The following PEAK3 variants were observed in gnomAD, a reference collection of about 807,000 sequenced individuals.
The protein encoded by PEAK3 is protein PEAK3.
A neutral mutation model predicts 13.3 loss-of-function variants in PEAK3; 15 were observed. That is an observed-to-expected ratio of 1.13 (90% confidence interval 0.75 to 1.73). The LOEUF (loss-of-function observed/expected upper bound fraction) is 1.73. PEAK3 is among the 40% of genes most tolerant of loss of function. PEAK3 has a pLI of 0.00. For synonymous variants in PEAK3, 347 were observed against 341.9 expected (o/e 1.01, Z -0.17); for missense variants, 739 against 690.2 (o/e 1.07, Z -0.79).
intron 2 of PEAK3, 69 bp downstream of exon 2, chr19:2,280,781 G>T: frequency 1.6e-6 from 2 of 1,268,878 alleles, no homozygotes; most frequent in Non-Finnish European, 1.1e-6. Context: ...GCACCCACCT[G>T]CCGCTCCCTG....
Position 2,276,058 on chromosome 19 carries a change from G to T in PEAK3, c.1044C>A (p.His348Gln). ...GGAGGAGGCTGCCCAGCTGCGGCGC[G>T]TGGGGGCCCGGGGATCCCGGGGGTC... ...PPGPPGSPGP[H>Q]APQLGSLLRA... is the part of the protein sequence containing the mutation. The change falls in exon 4 of 4, where the codon CAC becomes CAA. Residue 348 changes from histidine to glutamine, a missense_variant. Transcript: ENST00000342063. 1 of 1,450,870 alleles carries T rather than the reference G, an allele frequency of 6.9e-7. No homozygotes were observed. The highest frequency in any genetic ancestry group is 2.6e-5 in the Admixed American group (1 of 38,720). 89.9% of individuals were successfully genotyped at this position (1,450,870 alleles called of 1,614,324 possible). A position where few individuals can be genotyped will look rare whatever the true frequency, so the allele number is the denominator to read the frequency against.
Position 2,280,955 on chromosome 19 carries a change from GGCGTGTGTGGGGTGACC to G in PEAK3, c.-4-37_-4-21del. On this transcript the variant is annotated intron_variant, in intron 1 of 3. Transcript: ENST00000342063. ...ATGTTGCTGGGGAAAGGTCAAACGG[GGCGTGTGTGGGGTGACC>G]GTGTGCACGCACAGGGCGACATGGG... is the stretch of plus-strand genomic sequence containing the variant. 7.4e-6 allele frequency: 11 copies of G among 1,492,348 alleles called. No individual in the cohort carries two copies. The highest frequency in any genetic ancestry group is 9.1e-6 in the Non-Finnish European group (10 of 1,100,118). 92.4% of individuals were successfully genotyped at this position (1,492,348 alleles called of 1,614,324 possible).
In PEAK3 at chr19:2,275,944, G is replaced by A; in HGVS notation, c.1158C>T (p.Pro386=). The A allele has an allele frequency of 7.2e-7, 1 of 1,390,270 alleles. No individual in the cohort carries two copies. The highest frequency in any genetic ancestry group is 9.3e-7 in the Non-Finnish European group (1 of 1,080,054). 86.1% of individuals were successfully genotyped at this position (1,390,270 alleles called of 1,614,324 possible). A position where few individuals can be genotyped will look rare whatever the true frequency, so the allele number is the denominator to read the frequency against. The change falls in exon 4 of 4, where the codon CCC becomes CCT. Residue 386 remains proline, a synonymous_variant. Transcript: ENST00000342063. ...GCGCGCCCCGCGTCCGGGACGCCGA[G>A]GGCCGCAAGCGGGTCAGCTGTGCTG... The part of the protein sequence containing the change: ...LLAAQLTRLR[P]SASRTRGALQ...
Position 2,275,806 on chromosome 19 carries a change from GACCAGCAGCCCGCGGCGC to G in PEAK3, c.1278_1295del (p.Arg427_Val432del), listed in dbSNP as rs2025379587. On this transcript the variant is annotated inframe_deletion, in exon 4 of 4. Transcript: ENST00000342063. ...CTGCGGCCCGCTCTGCTAGGCGCAG[GACCAGCAGCCCGCGGCGC>G]ACCCGCAGCCAGGGCCCGAGCGCTC... 1.3e-6 allele frequency: 2 copies of G among 1,546,968 alleles called. No homozygotes were observed. Among genetic ancestry groups the G allele is most frequent in the African/African-American group, 2.8e-5 (2 of 71,478 alleles).
chr19:2,275,967 C>T lies in PEAK3; in HGVS notation c.1135G>A (p.Ala379Thr). Residue 379 changes from alanine to threonine, a missense_variant, in exon 4 of 4, where the codon GCA (alanine) becomes ACA (threonine). Physicochemically the swap from Ala to Thr is moderately conservative, Grantham distance 58. Coordinates refer to ENST00000342063, the MANE Select transcript of PEAK3 (RefSeq NM_198532.3). The stretch of plus-strand genomic sequence containing the variant: ...GAGGGCCGCAAGCGGGTCAGCTGTG[C>T]TGCCAGGAGCTCCAGGCCCGCGGCC... ...PLAAGLELLA[A>T]QLTRLRPSAS... is the part of the protein sequence containing the mutation. The T allele has an allele frequency of 1.6e-5, 22 of 1,415,074 alleles. No homozygotes were observed. Among genetic ancestry groups the T allele is most frequent in the Non-Finnish European group, 2.0e-5 (22 of 1,091,570 alleles). 87.7% of individuals were successfully genotyped at this position (1,415,074 alleles called of 1,614,324 possible).
Position 2,278,798 on chromosome 19 carries a change from G to A in PEAK3, c.398C>T (p.Ala133Val). The part of the protein sequence containing the change: ...LSLRDLHSPE[A>V]VHTALAARQL... ...CCGCGCAGCCAGTGCAGTGTGCACA[G>A]CCTCCGGGCTGTGCAGATCGCGGAG... The change falls in exon 3 of 4, where the codon GCT becomes GTT. Residue 133 changes from alanine (A) to valine (V), a missense_variant. Transcript: ENST00000342063. 2 of 1,588,116 alleles carry A rather than the reference G, an allele frequency of 1.3e-6. No individual in the cohort carries two copies. Among genetic ancestry groups the A allele is most frequent in the Non-Finnish European group, 1.7e-6 (2 of 1,167,458 alleles).
At position 2,277,867 on chromosome 19, in the gene PEAK3, C is replaced by CT. The variant is rs79647727; in HGVS notation, c.612+716dup. Reference sequence around the variant, plus strand: ...GGCGTCAGCCACTGTGCTGCCCAGCCTTTTTTTTTTTTTTTAGACGGAGTC... The same window carrying CT: ...GGCGTCAGCCACTGTGCTGCCCAGCCTTTTTTTTTTTTTTTTAGACGGAGTC... On this transcript the variant is annotated intron_variant, in intron 3 of 3. Coordinates refer to ENST00000342063, the MANE Select transcript of PEAK3 (RefSeq NM_198532.3). 4.6e-3 allele frequency among the ~76,000 whole-genome samples: 564 copies of CT among 121,408 alleles called. 2 individuals carry two copies. Among genetic ancestry groups the CT allele is most frequent in the Middle Eastern group, 0.017 (2 of 120 alleles). The allele number at this position is 121,408 out of a possible 152,430, so 79.6% of individuals were successfully genotyped here. A position where few individuals can be genotyped will look rare whatever the true frequency, so the allele number is the denominator to read the frequency against.
chr19:2,276,627 CT>C, intron 3 of PEAK3, 138 bp from the exon 4 acceptor site: 1 of 673,344 alleles, frequency 1.5e-6, no homozygotes, highest in Non-Finnish European at 2.4e-6. Context: ...GCCTGCATCC[CT>C]CCAGCAGCAG....
chr19:2,278,815 A>T lies in PEAK3; in HGVS notation c.381T>A (p.Asp127Glu), dbSNP rs550137964. ...ADAPLGLSLR[D>E]LHSPEAVHTA... Reference sequence around the variant, plus strand: ...TGTGCACAGCCTCCGGGCTGTGCAGATCGCGGAGGGAGAGGCCCAGTGGGG... The same window carrying T: ...TGTGCACAGCCTCCGGGCTGTGCAGTTCGCGGAGGGAGAGGCCCAGTGGGG... Residue 127 changes from aspartate to glutamate, a missense_variant, in exon 3 of 4, where the codon GAT becomes GAA. Physicochemically the swap from Asp to Glu is conservative, Grantham distance 45 (BLOSUM62 2). Coordinates refer to ENST00000342063, the MANE Select transcript of PEAK3 (RefSeq NM_198532.3). 1 of 1,594,336 alleles carries T rather than the reference A, an allele frequency of 6.3e-7. No homozygotes were observed. The highest frequency in any genetic ancestry group is 2.3e-5 in the East Asian group (1 of 43,862).
Position 2,274,942 on chromosome 19 carries a change from A to AAAG in PEAK3, c.*737_*738insCTT, listed in dbSNP as rs779303665. Reference sequence around the variant, plus strand: ...AGCCGAGATCGTCTCAAAAAAAAAAAAAAAAAAAAAAGAAAAAGAAAGTGG... The same window carrying AAAG: ...AGCCGAGATCGTCTCAAAAAAAAAAAAAGAAAAAAAAAAAGAAAAAGAAAGTGG... On this transcript the variant is annotated 3_prime_UTR_variant, in exon 4 of 4. Transcript: ENST00000342063. The AAAG allele has an allele frequency of 2.1e-5, 3 of 141,748 alleles. No individual in the cohort carries two copies. Among genetic ancestry groups the AAAG allele is most frequent in the Non-Finnish European group, 4.6e-5 (3 of 65,070 alleles). The allele number at this position is 141,748 out of a possible 1,614,324, so 8.8% of individuals were successfully genotyped here. A position where few individuals can be genotyped will look rare whatever the true frequency, so the allele number is the denominator to read the frequency against.
intron 3 of PEAK3, 55 bp from the exon 4 acceptor site, chr19:2,276,544 G>A (rs1383084820): frequency 1.1e-5 from 15 of 1,399,792 alleles, no homozygotes; most frequent in South Asian, 3.0e-5. Flanking sequence ...CACAAGCACC[G>A]CCTGCCCCAG....
chr19:2,279,990 G>T (rs893724858), intron 2 of PEAK3, among the ~76,000 whole-genome samples: 2 of 150,782 alleles, frequency 1.3e-5, no homozygotes, highest in Non-Finnish European at 2.9e-5. Context: ...CTGACCTCAG[G>T]TGATCTGCCT....
chr19:2,279,898 C>G (rs544017618), intron 2 of PEAK3, among the ~76,000 whole-genome samples: 2 of 150,528 alleles, frequency 1.3e-5, no homozygotes. Context: ...TACAGGTGCC[C>G]GCCCGCCACT....
At chr19:2,276,548 G>T in intron 3 of PEAK3, 59 bp from the exon 4 acceptor site, 2 of 1,384,664 alleles carry the variant, frequency 1.4e-6, no homozygotes, top group Non-Finnish European at 1.9e-6. Context: ...AGCACCGCCT[G>T]CCCCAGTGCT....
chr19:2,276,356 C>T lies in PEAK3; in HGVS notation c.746G>A (p.Gly249Asp), dbSNP rs2025389682. 6.3e-7 allele frequency: 1 copy of T among 1,599,874 alleles called. No homozygotes were observed. Among genetic ancestry groups the T allele is most frequent in the Non-Finnish European group, 8.5e-7 (1 of 1,178,932 alleles). ...EGTLPGAPWR[G>D]AVALAAEVPE... ...AACCTCGGCTGCCAGCGCCACTGCG[C>T]CTCTCCAGGGCGCCCCGGGCAGTGT... Residue 249 changes from glycine to aspartate, a missense_variant, in exon 4 of 4, where the codon GGC becomes GAC. By Grantham distance (94) the Gly-to-Asp change is moderately conservative. Coordinates refer to ENST00000342063, the MANE Select transcript of PEAK3 (RefSeq NM_198532.3).
intron 3 of PEAK3, 102 bp downstream of exon 3, chr19:2,278,482 G>A: frequency 7.8e-7 from 1 of 1,284,004 alleles, no homozygotes. Context: ...TTACAGCAGT[G>A]TGAGAACTGA....
At chr19:2,281,230 G>T (rs2025436235) in intron 1 of PEAK3, among the ~76,000 whole-genome samples, 1 of 146,462 alleles carries the variant, frequency 6.8e-6, no homozygotes, top group African/African-American at 2.5e-5. Flanking sequence ...ACTCTCTCTG[G>T]GCCCCTGCTG....
chr19:2,278,731 G>T lies in PEAK3; in HGVS notation c.465C>A (p.Ala155=), dbSNP rs890795405. 4.6e-6 allele frequency: 7 copies of T among 1,535,322 alleles called. No individual in the cohort carries two copies. The African/African-American group carries it at 8.2e-5, about 18-fold the overall frequency. ...GCCCGGGGTGGCCCCCCATGAGCCGGGCACGGAGCCGGGCATAGATGGTAC... is the reference window on the plus strand; with the variant it reads ...GCCCGGGGTGGCCCCCCATGAGCCGTGCACGGAGCCGGGCATAGATGGTAC... ...GLRTIYARLR[A]RLMGGHPGPC... is the part of the protein sequence containing the mutation. Residue 155 remains alanine, a synonymous_variant, in exon 3 of 4, where the codon GCC becomes GCA. Transcript: ENST00000342063.
chr19:2,280,185 C>T (rs1040992944), intron 2 of PEAK3, among the ~76,000 whole-genome samples: 4 of 151,468 alleles, frequency 2.6e-5, no homozygotes, highest in Non-Finnish European at 4.4e-5. Context: ...GCCTCAGCCT[C>T]CCGAGTAGCT....
Sources: gnomAD v4.1 joint callset for allele counts (sites outside exome capture counted in the v4.1 genomes callset) on GRCh38, gnomAD v4.1.1 for gene constraint, MANE v1.5 for transcripts, NCBI Gene and HGNC (gene_info 2026-07-23, HGNC 2026-07-21) for gene names.